Variants in SLC4A4 observed in about 807,000 individuals in gnomAD.
SLC4A4 encodes electrogenic sodium bicarbonate cotransporter 1.
SLC4A4 carries 27 observed loss-of-function variants against 111.5 expected under a neutral mutation model. The observed-to-expected ratio is 0.24, with a 90% CI of 0.18 to 0.33. SLC4A4 has a LOEUF of 0.33. Among genes scored for constraint, SLC4A4 ranks in the 10% least tolerant of loss-of-function variants. The pLI is 1.00. For synonymous variants in SLC4A4, 443 were observed against 463.4 expected (o/e 0.96, Z 0.57); for missense variants, 909 against 1,315.5 (o/e 0.69, Z 4.78).
At chr4:71,540,445 A>T (rs985144241) in intron 18 of SLC4A4, among the ~76,000 whole-genome samples, 3 of 152,206 alleles carry the variant, frequency 2.0e-5, no homozygotes, top group Non-Finnish European at 4.4e-5. Context: ...TGTACTTAAA[A>T]TAATCTCCAG....
At chr4:71,385,907 T>C (rs927852488) in intron 6 of SLC4A4, among the ~76,000 whole-genome samples, 4 of 152,194 alleles carry the variant, frequency 2.6e-5, no homozygotes, top group Non-Finnish European at 5.9e-5. Flanking sequence ...TCATCCTGCG[T>C]TGGAGACCAT....
At chr4:71,166,836 T>C (rs1744790011) in intron 2 of SLC4A4, among the ~76,000 whole-genome samples, 2 of 152,184 alleles carry the variant, frequency 1.3e-5, no homozygotes, top group Admixed American at 6.5e-5. Context: ...ACATTTAGTT[T>C]AAAAATTTTG....
At chr4:71,361,369 G>C (rs1730769790) in intron 6 of SLC4A4, among the ~76,000 whole-genome samples, 1 of 152,040 alleles carries the variant, frequency 6.6e-6, no homozygotes, top group African/African-American at 2.4e-5. Flanking sequence ...TTTTAAAAAG[G>C]AGCAAAAAAC....
At chr4:71,148,235 C>G (rs1744230011) in intron 2 of SLC4A4, among the ~76,000 whole-genome samples, 1 of 152,126 alleles carries the variant, frequency 6.6e-6, no homozygotes, top group African/African-American at 2.4e-5. Flanking sequence ...ACAGCTCTGA[C>G]AATTGGAAAG....
intron 1 of SLC4A4, among the ~76,000 whole-genome samples, chr4:71,082,198 A>G (rs1742012218): frequency 6.6e-6 from 1 of 152,064 alleles, no homozygotes; most frequent in South Asian, 2.1e-4. Flanking sequence ...ATTCTGTACT[A>G]TAGGGATGAA....
chr4:71,517,920 C>T (rs1180734078), intron 16 of SLC4A4, among the ~76,000 whole-genome samples: 6 of 152,096 alleles, frequency 3.9e-5, no homozygotes, highest in African/African-American at 1.4e-4. Context: ...GGAACTGGAG[C>T]CTAAGTCCTT....
chr4:71,419,202 G>C (rs1322560453), intron 7 of SLC4A4, among the ~76,000 whole-genome samples: 1 of 152,192 alleles, frequency 6.6e-6, no homozygotes, highest in African/African-American at 2.4e-5. Flanking sequence ...TGCGTGCTGG[G>C]AGAACCACTG....
chr4:71,534,732 A>G (rs1734260492), intron 18 of SLC4A4, among the ~76,000 whole-genome samples: 1 of 152,154 alleles, frequency 6.6e-6, no homozygotes, highest in African/African-American at 2.4e-5. Context: ...AGATTTAATT[A>G]ATTTATACTG....
chr4:71,170,696 G>T (rs1320637036), intron 2 of SLC4A4, among the ~76,000 whole-genome samples: 1 of 152,110 alleles, frequency 6.6e-6, no homozygotes, highest in South Asian at 2.1e-4. Flanking sequence ...CTTTCACAGA[G>T]CCTAAAATTT....
At chr4:71,552,796 C>T (rs1442953060) in intron 20 of SLC4A4, among the ~76,000 whole-genome samples, 2 of 151,616 alleles carry the variant, frequency 1.3e-5, no homozygotes, top group Non-Finnish European at 2.9e-5. Flanking sequence ...ATACTTTGTG[C>T]TGTTTATGTT....
intron 3 of SLC4A4, chr4:71,300,484 C>A: frequency 4.0e-6 from 1 of 248,984 alleles, no homozygotes; most frequent in South Asian, 6.5e-5. Flanking sequence ...AAGTTCTGCC[C>A]ATGCTGACAA....
At chr4:71,339,339 A>G (rs753540888) in intron 3 of SLC4A4, 31 bp from the exon 4 acceptor site, 5 of 1,614,046 alleles carry the variant, frequency 3.1e-6, no homozygotes, top group Admixed American at 3.3e-5. Context: ...TGTCCAGCCA[A>G]TGTTTAACCA....
chr4:71,511,383 T>C (rs1731901457), intron 16 of SLC4A4, among the ~76,000 whole-genome samples: 1 of 151,986 alleles, frequency 6.6e-6, no homozygotes, highest in South Asian at 2.1e-4. Flanking sequence ...TATTCTTTTT[T>C]GGCAATGTTT....
At chr4:71,455,870 C>T (rs34225185) in intron 12 of SLC4A4, among the ~76,000 whole-genome samples, 24,138 of 152,054 alleles carry the variant, frequency 0.16, 2,109 homozygotes, top group South Asian at 0.29. Context: ...GGATGAACTT[C>T]TTTATGAGTA....
intron 12 of SLC4A4, among the ~76,000 whole-genome samples, chr4:71,454,767 G>A (rs1726073751): frequency 6.6e-6 from 1 of 152,070 alleles, no homozygotes; most frequent in Non-Finnish European, 1.5e-5. Context: ...GTACTGCATA[G>A]CATGTTACCC....
At chr4:71,233,360 CA>C in intron 1 of SLC4A4, 1 of 964,792 alleles carries the variant, frequency 1.0e-6, no homozygotes, top group Non-Finnish European at 1.2e-6. Context: ...TGATCATGAC[CA>C]AAGTGCTTTT....
At chr4:71,119,204 G>A (rs2148955495) in intron 2 of SLC4A4, among the ~76,000 whole-genome samples, 1 of 152,272 alleles carries the variant, frequency 6.6e-6, no homozygotes, top group South Asian at 2.1e-4. Flanking sequence ...ACTTTGCGGT[G>A]AAAATAAAGT....
In SLC4A4 at chr4:71,488,888, ATGTGTGTG is replaced by A. The variant is rs66801188; in HGVS notation, c.1974+1903_1974+1910del. Among the ~76,000 whole-genome samples the A allele has an allele frequency of 1.6e-3, 226 of 140,670 alleles. 5 individuals carry two copies. The highest frequency in any genetic ancestry group is 3.5e-3 in the Middle Eastern group (1 of 282). 92.3% of individuals were successfully genotyped at this position (140,670 alleles called of 152,430 possible). A position where few individuals can be genotyped will look rare whatever the true frequency, so the allele number is the denominator to read the frequency against. ...CTAGGGAAAGAAGTTAGAAGAAAAA[ATGTGTGTG>A]TGTGTGTGTGTGTGTGTGTGTGTGT... On this transcript the variant is annotated intron_variant, in intron 15 of 25. Coordinates refer to ENST00000264485, the MANE Select transcript of SLC4A4 (RefSeq NM_001098484.3).
rs1210782035 is a variant in SLC4A4, at chr4:71,292,833, G to GTTT, written c.253+37440_253+37442dup. On this transcript the variant is annotated intron_variant, in intron 3 of 25. Transcript: ENST00000264485. Reference sequence around the variant, plus strand: ...ATAGTGTGAGTATGTCTTACTTTTGGTTTTTTTTGTTTTTTTTTTTTTTTT... The same window carrying GTTT: ...ATAGTGTGAGTATGTCTTACTTTTGGTTTTTTTTTTTGTTTTTTTTTTTTTTTT... Among the ~76,000 whole-genome samples, 95 of 133,418 alleles carry GTTT rather than the reference G, an allele frequency of 7.1e-4. 2 individuals are homozygous for GTTT. Among genetic ancestry groups the GTTT allele is most frequent in the African/African-American group, 1.5e-3 (51 of 33,238 alleles). The allele number at this position is 133,418 out of a possible 152,430, so 87.5% of individuals were successfully genotyped here. A position where few individuals can be genotyped will look rare whatever the true frequency, so the allele number is the denominator to read the frequency against.
Sources: allele counts gnomAD v4.1 joint callset (sites outside exome capture counted in the v4.1 genomes callset), GRCh38; gene constraint gnomAD v4.1.1; transcripts MANE v1.5; gene names NCBI Gene and HGNC (gene_info 2026-07-23, HGNC 2026-07-21).